SYNE2: variants seen among roughly 807,000 people sequenced by gnomAD.
SYNE2 encodes the protein nesprin-2.
SYNE2 carries 431 observed loss-of-function variants against 856.3 expected under a neutral mutation model. That is an observed-to-expected ratio of 0.50 (90% CI 0.47 to 0.55). The LOEUF (loss-of-function observed/expected upper bound fraction) is 0.55. SYNE2 is among the 20% of genes least tolerant of loss of function. The pLI, the probability that SYNE2 is intolerant of heterozygous loss-of-function variation, is 0.00. For synonymous variants in SYNE2, 2,923 were observed against 2,872.3 expected, an observed-to-expected ratio of 1.02 and a Z score of -0.56; for missense variants, 8,129 against 8,023.2, an observed-to-expected ratio of 1.01 and a Z score of -0.50.
Position 64,219,247 on chromosome 14 carries a change from T to C in SYNE2, c.19697T>C (p.Leu6566Pro), listed in dbSNP as rs748568447. 4 of 1,613,850 alleles carry C rather than the reference T, an allele frequency of 2.5e-6. No individual in the cohort carries two copies. The African/African-American group carries it at 5.3e-5, about 22-fold the overall frequency. ...TGGGAGATGATTCAAGCACAGGAGC[T>C]TCACAATAAGCTCAAAATAAAACAA... ...DRWEMIQAQE[L>P]HNKLKIKQNL... Residue 6566 changes from leucine to proline, a missense_variant, in exon 110 of 116, where the codon CTT (leucine) becomes CCT (proline). By Grantham distance (98) the Leu-to-Pro change is moderately conservative. Coordinates refer to ENST00000555002, the MANE Select transcript of SYNE2 (RefSeq NM_182914.3).
At chr14:64,087,636 T>C (rs772018304) in intron 57 of SYNE2, 35 bp from the exon 58 acceptor site, 15 of 1,604,410 alleles carry the variant, frequency 9.3e-6, no homozygotes, top group Non-Finnish European at 1.3e-5. Context: ...GATCTTGATG[T>C]TTCTCTCTAT....
intron 89 of SYNE2, among the ~76,000 whole-genome samples, chr14:64,164,235 G>A (rs1441461122): frequency 2.6e-5 from 4 of 151,846 alleles, no homozygotes; most frequent in African/African-American, 9.7e-5. Context: ...TCAGCCTCCC[G>A]AGTAGCTGGG....
chr14:64,127,418 A>G (rs1005459479), intron 73 of SYNE2, among the ~76,000 whole-genome samples: 8 of 152,306 alleles, frequency 5.3e-5, no homozygotes, highest in African/African-American at 1.9e-4. Flanking sequence ...AAAAGAAAAA[A>G]GTAAAAAAAT....
At chr14:64,119,971 T>A (rs1234798668) in intron 67 of SYNE2, among the ~76,000 whole-genome samples, 1 of 152,260 alleles carries the variant, frequency 6.6e-6, no homozygotes, top group Non-Finnish European at 1.5e-5. Context: ...TTCATAGATG[T>A]GACTAAAATT....
intron 6 of SYNE2, among the ~76,000 whole-genome samples, chr14:63,946,030 C>T (rs1034943734): frequency 6.6e-6 from 1 of 152,192 alleles, no homozygotes; most frequent in Non-Finnish European, 1.5e-5. Flanking sequence ...AATTTATACT[C>T]ACCAGAGTTT....
chr14:64,119,668 G>A (rs2097883443), intron 67 of SYNE2, 59 bp downstream of exon 67: 2 of 1,567,552 alleles, frequency 1.3e-6, no homozygotes, highest in Non-Finnish European at 1.7e-6. Context: ...AGACCTGCCA[G>A]AAGAGAACTC....
intron 1 of SYNE2, among the ~76,000 whole-genome samples, chr14:63,820,895 G>A (rs1004334594): frequency 1.3e-5 from 2 of 151,934 alleles, no homozygotes; most frequent in Middle Eastern, 3.4e-3. Flanking sequence ...CATTACAGGT[G>A]AGCACCACAA....
At chr14:63,869,780 C>T (rs1896421745) in intron 1 of SYNE2, among the ~76,000 whole-genome samples, 1 of 152,002 alleles carries the variant, frequency 6.6e-6, no homozygotes, top group Non-Finnish European at 1.5e-5. Context: ...ATAGATCTCG[C>T]ACTAATCTTT....
chr14:63,838,684 T>C (rs1043637139), intron 1 of SYNE2, among the ~76,000 whole-genome samples: 1 of 152,074 alleles, frequency 6.6e-6, no homozygotes, highest in Non-Finnish European at 1.5e-5. Context: ...AATTTTAAAA[T>C]TTTTTGTAGA....
upstream of SYNE2, among the ~76,000 whole-genome samples, chr14:63,849,709 T>C (rs1025333537): frequency 6.6e-6 from 1 of 152,026 alleles, no homozygotes; most frequent in Non-Finnish European, 1.5e-5. Context: ...TCTTGTGCCA[T>C]GAGATCGGGC....
intron 32 of SYNE2, among the ~76,000 whole-genome samples, chr14:64,014,919 G>A (rs1488195204): frequency 1.7e-5 from 2 of 116,868 alleles, no homozygotes; most frequent in African/African-American, 6.1e-5. Context: ...TGGTCATGGT[G>A]TATAATTCCT....
chr14:64,134,699 G>T (rs751235856), intron 78 of SYNE2, among the ~76,000 whole-genome samples: 1 of 152,068 alleles, frequency 6.6e-6, no homozygotes, highest in Admixed American at 6.6e-5. Flanking sequence ...ATCTCAGGCC[G>T]GACACGATGG....
intron 74 of SYNE2, among the ~76,000 whole-genome samples, chr14:64,128,940 G>A (rs1301390108): frequency 6.6e-6 from 1 of 152,216 alleles, no homozygotes; most frequent in Non-Finnish European, 1.5e-5. Context: ...TATTAATTGA[G>A]GATCCACTAT....
chr14:63,981,478 C>G (rs960525296), intron 16 of SYNE2, among the ~76,000 whole-genome samples: 2 of 152,086 alleles, frequency 1.3e-5, no homozygotes, highest in African/African-American at 2.4e-5. Context: ...TTGCTAAGCT[C>G]TTTGGAGAGG....
chr14:63,947,016 A>T (rs2096044418), intron 6 of SYNE2, among the ~76,000 whole-genome samples: 1 of 151,832 alleles, frequency 6.6e-6, no homozygotes, highest in African/African-American at 2.4e-5. Flanking sequence ...TGTCTAGCTA[A>T]TTTTTGTGTT....
intron 54 of SYNE2, 130 bp downstream of exon 54, chr14:64,076,230 A>G (rs982867808): frequency 6.3e-6 from 6 of 951,366 alleles, no homozygotes; most frequent in African/African-American, 3.3e-5. Context: ...TTAAGTGACC[A>G]TCGTGTCTAT....
chr14:64,170,113 T>C, intron 93 of SYNE2, 115 bp from the exon 94 acceptor site: 1 of 1,030,482 alleles, frequency 9.7e-7, no homozygotes, highest in African/African-American at 1.6e-5. Context: ...GAAGTTGGGA[T>C]TTTTTTCATG....
At chr14:63,833,318 C>T (rs7145736) in intron 1 of SYNE2, among the ~76,000 whole-genome samples, 69,300 of 152,010 alleles carry the variant, frequency 0.46, 16,698 homozygotes, top group South Asian at 0.55. Context: ...ACATGTTCTG[C>T]CATACCAAAT....
chr14:64,136,547 T>C (rs556144902), intron 78 of SYNE2, among the ~76,000 whole-genome samples: 68 of 152,286 alleles, frequency 4.5e-4, no homozygotes, highest in African/African-American at 1.6e-3. Context: ...TAATAATTTA[T>C]TTTTTAAGAT....
Sources: gnomAD v4.1 joint callset for allele counts (sites outside exome capture counted in the v4.1 genomes callset) on GRCh38, gnomAD v4.1.1 for gene constraint, MANE v1.5 for transcripts, NCBI Gene and HGNC (gene_info 2026-07-23, HGNC 2026-07-21) for gene names.